Variants in UNC79 observed in about 807,000 individuals in gnomAD.
UNC79 encodes the protein unc-79 subunit of NALCN channel complex, also known as protein unc-79 homolog.
A neutral mutation model predicts 283.1 loss-of-function variants in UNC79; 37 were observed. That is an observed-to-expected ratio of 0.13 (90% CI 0.10 to 0.17). The LOEUF (loss-of-function observed/expected upper bound fraction) is 0.17. UNC79 is among the 10% of genes least tolerant of loss of function. The pLI is 1.00. For synonymous variants in UNC79, 1,107 were observed against 1,200.2 expected (o/e 0.92, Z 1.61); for missense variants, 2,272 against 3,211.1 (o/e 0.71, Z 7.07).
chr14:93,477,613 T>C (rs1180206953), exon 4 of UNC79: 1 of 1,611,946 alleles, frequency 6.2e-7, no homozygotes, highest in African/African-American at 1.3e-5. Flanking sequence ...TTCTCAATGA[T>C]GATATTCTGA....
chr14:93,465,909 C>A (rs1050647374), intron 1 of UNC79, among the ~76,000 whole-genome samples: 16 of 152,072 alleles, frequency 1.1e-4, no homozygotes, highest in African/African-American at 3.9e-4. Flanking sequence ...TAGCATATAT[C>A]TCGGATATTT....
chr14:93,657,239 T>C (rs1441077389), intron 38 of UNC79, among the ~76,000 whole-genome samples: 3 of 152,128 alleles, frequency 2.0e-5, no homozygotes, highest in Non-Finnish European at 4.4e-5. Context: ...CACAGGAAAC[T>C]GAGTGCACAA....
At chr14:93,464,544 G>C (rs1411939584) in intron 1 of UNC79, 1 of 456,138 alleles carries the variant, frequency 2.2e-6, no homozygotes, top group African/African-American at 2.0e-5. Context: ...TGAGGTTAAG[G>C]TTTCAACATA....
intron 15 of UNC79, 146 bp downstream of exon 15, chr14:93,572,230 A>C: frequency 1.2e-6 from 1 of 845,168 alleles, no homozygotes; most frequent in Non-Finnish European, 1.7e-6. Flanking sequence ...TGAAGCCCCA[A>C]CATGAAATAG....
chr14:93,355,743 C>T lies in UNC79; in HGVS notation c.-351+22220C>T, dbSNP rs1480745305. Among the ~76,000 whole-genome samples the T allele has an allele frequency of 3.3e-5, 5 of 152,252 alleles. No individual in the cohort carries two copies. The East Asian group carries it at 9.6e-4, about 29-fold the overall frequency. ...TCTTAACTGTCTTCCTAACTATGCT[C>T]TTGTTATAGTCAACTACTCATATTT... On this transcript the variant is annotated intron_variant, in intron 1 of 49. Transcript: ENST00000256339.
chr14:93,417,445 GC>G (rs1346503262), intron 1 of UNC79, among the ~76,000 whole-genome samples: 1 of 152,106 alleles, frequency 6.6e-6, no homozygotes, highest in Non-Finnish European at 1.5e-5. Flanking sequence ...CTCTCTGGCT[GC>G]CCTTAACATT....
In UNC79 at chr14:93,604,843, G is replaced by C. The variant is rs2065770855; in HGVS notation, c.3754+1425G>C. ...AAGTTAGCACTGAGTATATTTTCTA[G>C]GCTCCAGTTGTCTGTAATGCTTATT... On this transcript the variant is annotated intron_variant, in intron 26 of 48. Coordinates refer to ENST00000555664, the Ensembl canonical transcript of UNC79. 9.4e-6 allele frequency: 14 copies of C among 1,487,882 alleles called. 1 individual carries two copies. Among genetic ancestry groups the C allele is most frequent in the Middle Eastern group, 3.5e-4 (2 of 5,744 alleles). The allele number at this position is 1,487,882 out of a possible 1,614,324, so 92.2% of individuals were successfully genotyped here.
chr14:93,498,292 A>G (rs2059115276), intron 7 of UNC79, among the ~76,000 whole-genome samples: 1 of 151,442 alleles, frequency 6.6e-6, no homozygotes, highest in Admixed American at 6.6e-5. Flanking sequence ...AATAATAAAT[A>G]AAAAATAAAA....
At chr14:93,363,281 C>G (rs755345163) in intron 1 of UNC79, among the ~76,000 whole-genome samples, 19 of 152,038 alleles carry the variant, frequency 1.2e-4, no homozygotes, top group Non-Finnish European at 2.5e-4. Flanking sequence ...TTTTTGAGAG[C>G]TCTTGGTATT....
At chr14:93,643,492 G>T in intron 33 of UNC79, 65 bp from the exon 37 acceptor site, 1 of 1,611,512 alleles carries the variant, frequency 6.2e-7, no homozygotes, top group Non-Finnish European at 8.5e-7. Flanking sequence ...CGTGTGTGTA[G>T]TATATTATAT....
intron 38 of UNC79, among the ~76,000 whole-genome samples, chr14:93,657,453 G>A (rs1283048522): frequency 2.6e-5 from 4 of 151,412 alleles, no homozygotes; most frequent in East Asian, 1.9e-4. Context: ...CTGGGTTCAC[G>A]CCATTCTCCT....
At chr14:93,649,299 A>T (rs954334235) in intron 35 of UNC79, among the ~76,000 whole-genome samples, 6 of 152,144 alleles carry the variant, frequency 3.9e-5, no homozygotes, top group Non-Finnish European at 8.8e-5. Flanking sequence ...CTTTTTAAAA[A>T]ACTTATTTTC....
At chr14:93,560,532 A>C (rs2062479255) in intron 14 of UNC79, among the ~76,000 whole-genome samples, 1 of 152,152 alleles carries the variant, frequency 6.6e-6, no homozygotes, top group Non-Finnish European at 1.5e-5. Flanking sequence ...CTGCCATTCT[A>C]GTATCGAGAG....
chr14:93,345,274 GTTGTA>G (rs781016003), intron 1 of UNC79, among the ~76,000 whole-genome samples: 7 of 152,180 alleles, frequency 4.6e-5, no homozygotes, highest in African/African-American at 1.4e-4. Context: ...CATCCAGTCT[GTTGTA>G]TTGTAACAGC....
intron 14 of UNC79, among the ~76,000 whole-genome samples, chr14:93,548,653 C>T (rs1484897903): frequency 6.6e-6 from 1 of 152,190 alleles, no homozygotes; most frequent in Non-Finnish European, 1.5e-5. Context: ...TTCTCTTTCT[C>T]TGTCTTCCCC....
downstream of UNC79, chr14:93,706,964 A>G (rs1196576710): frequency 2.5e-6 from 4 of 1,583,716 alleles, no homozygotes; most frequent in Admixed American, 6.8e-5. Context: ...TTTAAAAACA[A>G]ACAATTTGAT....
At chr14:93,408,536 T>TA (rs2055271477) in intron 1 of UNC79, among the ~76,000 whole-genome samples, 1 of 151,776 alleles carries the variant, frequency 6.6e-6, no homozygotes, top group Non-Finnish European at 1.5e-5. Context: ...CTGCAAAAAA[T>TA]AAAAAACCAG....
rs140991890 is a variant in UNC79, at chr14:93,488,732, T to C, written c.712+977T>C. On this transcript the variant is annotated intron_variant, in intron 5 of 48. Coordinates refer to ENST00000555664, the Ensembl canonical transcript of UNC79. ...GTCCATGATCAAGGTGCCAGCAGAG[T>C]TGATGTCTGGTGAGGGCCTGCTTTC... Among the ~76,000 whole-genome samples, 814 of 152,192 alleles carry C rather than the reference T, an allele frequency of 5.3e-3. 4 individuals are homozygous for C. Among genetic ancestry groups the C allele is most frequent in the Non-Finnish European group, 9.0e-3 (615 of 67,992 alleles).
intron 30 of UNC79, 40 bp from the exon 33 acceptor site, chr14:93,630,761 A>C: frequency 1.3e-6 from 2 of 1,557,180 alleles, no homozygotes; most frequent in South Asian, 1.1e-5. Context: ...ACTTGCTTTT[A>C]ATCAGTGTCC....
Sources: gnomAD v4.1 joint callset for allele counts (sites outside exome capture counted in the v4.1 genomes callset) on GRCh38, gnomAD v4.1.1 for gene constraint, MANE v1.5 for transcripts, NCBI Gene and HGNC (gene_info 2026-07-23, HGNC 2026-07-21) for gene names.